WNT3: variants seen among roughly 807,000 people sequenced by gnomAD.
The protein encoded by WNT3 is Wnt family member 3.
WNT3 carries 7 observed loss-of-function variants against 34.2 expected under a neutral mutation model. The ratio of observed to expected loss-of-function variants is 0.20; its 90% CI spans 0.12 to 0.38. The LOEUF is 0.38. WNT3 is among the 10% of genes least tolerant of loss of function. WNT3 has a pLI of 1.00. For missense variants in WNT3, 267 were observed against 499.8 expected (o/e 0.53, Z 4.44); for synonymous variants, 212 against 211.5 (o/e 1.00, Z -0.02).
At chr17:46,766,388 CAA>C (rs1413278134) in intron 4 of WNT3, among the ~76,000 whole-genome samples, 11 of 149,544 alleles carry the variant, frequency 7.4e-5, no homozygotes, top group African/African-American at 2.5e-4. Flanking sequence ...GCCTGGGCGA[CAA>C]AGAGAGACTC....
At chr17:46,804,925 C>T (rs950305514) in intron 1 of WNT3, among the ~76,000 whole-genome samples, 1 of 140,726 alleles carries the variant, frequency 7.1e-6, no homozygotes, top group South Asian at 2.7e-4. Context: ...GCCCACCCCC[C>T]CCACCCCCAA....
intron 1 of WNT3, among the ~76,000 whole-genome samples, chr17:46,779,669 C>A (rs1188306761): frequency 6.6e-6 from 1 of 152,248 alleles, no homozygotes; most frequent in Non-Finnish European, 1.5e-5. Flanking sequence ...ACTCCCATCC[C>A]CACCCCAGTT....
chr17:46,818,413 G>T (rs2084381549), intron 1 of WNT3, 105 bp downstream of exon 1: 1 of 1,157,958 alleles, frequency 8.6e-7, no homozygotes, highest in Non-Finnish European at 1.3e-6. Context: ...GGGAGGCGAG[G>T]AGAGGAGCCC....
chr17:46,776,439 A>G (rs946562201), intron 1 of WNT3, among the ~76,000 whole-genome samples: 1 of 152,158 alleles, frequency 6.6e-6, no homozygotes, highest in Non-Finnish European at 1.5e-5. Flanking sequence ...CTGTTACCTT[A>G]TGTAATCCTC....
At chr17:46,774,439 G>A (rs537140396) in intron 1 of WNT3, among the ~76,000 whole-genome samples, 44 of 152,352 alleles carry the variant, frequency 2.9e-4, no homozygotes, top group Admixed American at 9.8e-4. Context: ...GAGCCTCCCA[G>A]TATCTCCCCA....
intron 1 of WNT3, among the ~76,000 whole-genome samples, chr17:46,801,029 T>C (rs1363508087): frequency 6.6e-6 from 1 of 152,184 alleles, no homozygotes; most frequent in Non-Finnish European, 1.5e-5. Flanking sequence ...TGTGTCTAAC[T>C]CACTGAGTAC....
intron 1 of WNT3, among the ~76,000 whole-genome samples, chr17:46,791,643 G>C (rs2083988349): frequency 6.6e-6 from 1 of 152,208 alleles, no homozygotes; most frequent in Admixed American, 6.5e-5. Context: ...TAAGGGTGCT[G>C]GGGCACAGGG....
At chr17:46,800,521 T>TA (rs5820622) in intron 1 of WNT3, among the ~76,000 whole-genome samples, 71,919 of 152,082 alleles carry the variant, frequency 0.47, 17,724 homozygotes, top group Middle Eastern at 0.57. Context: ...GGCTGACTCT[T>TA]ACACTGGGAA....
chr17:46,789,197 G>A (rs1047618521), intron 1 of WNT3, among the ~76,000 whole-genome samples: 1 of 152,014 alleles, frequency 6.6e-6, no homozygotes, highest in South Asian at 2.1e-4. Context: ...CTTTATGGGG[G>A]CCCAGAGGCC....
Position 46,795,383 on chromosome 17 carries a change from C to T in WNT3, c.81-21474G>A, listed in dbSNP as rs73987043. Among the ~76,000 whole-genome samples, 780 of 152,260 alleles carry T rather than the reference C, an allele frequency of 5.1e-3. 4 individuals carry two copies. The highest frequency in any genetic ancestry group is 0.017 in the African/African-American group (703 of 41,552). ...AGCTGACCCTGTGACTTCTGGGGCT[C>T]CCCTCCGAGGTGGGGAAGAACAGAG... is the stretch of plus-strand genomic sequence containing the variant. On this transcript the variant is annotated intron_variant, in intron 1 of 4. Coordinates refer to ENST00000225512, the MANE Select transcript of WNT3 (RefSeq NM_030753.5).
chr17:46,805,944 C>A (rs932787642), intron 1 of WNT3, among the ~76,000 whole-genome samples: 2 of 152,214 alleles, frequency 1.3e-5, no homozygotes, highest in Admixed American at 6.5e-5. Flanking sequence ...AACCATGGAG[C>A]CTTCGGCAAT....
Position 46,764,476 on chromosome 17 carries a change from A to AGTTG in WNT3, c.*150_*153dup, listed in dbSNP as rs2059296114. The AGTTG allele has an allele frequency of 1.3e-5, 2 of 152,372 alleles. No individual in the cohort carries two copies. Among genetic ancestry groups the AGTTG allele is most frequent in the African/African-American group, 4.8e-5 (2 of 41,448 alleles). The allele number at this position is 152,372 out of a possible 1,614,324, so 9.4% of individuals were successfully genotyped here. A position where few individuals can be genotyped will look rare whatever the true frequency, so the allele number is the denominator to read the frequency against. ...GGGAGAGCCTCCCCGTCCACAGGCG[A>AGTTG]GTTGGGTCTGGGTCATTTACCACGC... On this transcript the variant is annotated 3_prime_UTR_variant, in exon 5 of 5. Transcript: ENST00000225512.
rs749719578 is a variant in WNT3, at chr17:46,779,103, A to ACACCCCC, written c.81-5195_81-5194insGGGGGTG. Among the ~76,000 whole-genome samples, 47 of 133,658 alleles carry ACACCCCC rather than the reference A, an allele frequency of 3.5e-4. 1 individual carries two copies. In the East Asian group the frequency reaches 4.6e-3, roughly 13 times the overall value. The allele number at this position is 133,658 out of a possible 152,430, so 87.7% of individuals were successfully genotyped here. On this transcript the variant is annotated intron_variant, in intron 1 of 4. Coordinates refer to ENST00000225512, the MANE Select transcript of WNT3 (RefSeq NM_030753.5). ...CACACACACACACACACACACACAC[A>ACACCCCC]CCCCAGCCCACTCGGCCTTCCAAAG...
In WNT3 at chr17:46,818,619, AG is replaced by A; in HGVS notation, c.-23del. On this transcript the variant is annotated 5_prime_UTR_variant, in exon 1 of 5. Transcript: ENST00000225512. ...CCATTAGAAGAGGCGCCGAGGAGGA[AG>A]TTTGCCCGCGACCATGAAGAGGGGG... is the stretch of plus-strand genomic sequence containing the variant. 6.3e-7 allele frequency: 1 copy of A among 1,579,182 alleles called. No individual in the cohort carries two copies. Among genetic ancestry groups the A allele is most frequent in the Non-Finnish European group, 8.6e-7 (1 of 1,161,918 alleles).
At chr17:46,792,225 C>T (rs952362087) in intron 1 of WNT3, among the ~76,000 whole-genome samples, 1 of 152,228 alleles carries the variant, frequency 6.6e-6, no homozygotes, top group Non-Finnish European at 1.5e-5. Flanking sequence ...AGGCTCAAAT[C>T]ACCATGGGTG....
chr17:46,786,941 CTTTTTT>C (rs566280448), intron 1 of WNT3, among the ~76,000 whole-genome samples: 2 of 142,650 alleles, frequency 1.4e-5, no homozygotes, highest in Non-Finnish European at 3.1e-5. Flanking sequence ...TTTCTTTTTT[CTTTTTT>C]TTTTTTTTGA....
chr17:46,811,242 G>A (rs1323985881), intron 1 of WNT3, among the ~76,000 whole-genome samples: 6 of 101,158 alleles, frequency 5.9e-5, no homozygotes, highest in East Asian at 1.9e-4. Flanking sequence ...GGAACTAAGC[G>A]GCCTTAGGTG....
At chr17:46,804,717 G>T (rs1202324675) in intron 1 of WNT3, among the ~76,000 whole-genome samples, 1 of 152,200 alleles carries the variant, frequency 6.6e-6, no homozygotes, top group Non-Finnish European at 1.5e-5. Flanking sequence ...GACTTCCTGG[G>T]TCAACTGGGG....
chr17:46,764,768 T>C (rs1162361475), intron 4 of WNT3, 147 bp from the exon 5 acceptor site: 3 of 152,242 alleles, frequency 2.0e-5, no homozygotes, highest in Non-Finnish European at 2.9e-5. Flanking sequence ...TTCTCCACGC[T>C]CTCCTCTGTG....
Sources: gnomAD v4.1 joint callset for allele counts (sites outside exome capture counted in the v4.1 genomes callset) on GRCh38, gnomAD v4.1.1 for gene constraint, MANE v1.5 for transcripts, NCBI Gene and HGNC (gene_info 2026-07-23, HGNC 2026-07-21) for gene names.